Variants in NECTIN2 observed in about 807,000 individuals in gnomAD.
The protein encoded by NECTIN2 is nectin cell adhesion molecule 2.
A neutral mutation model predicts 56.9 loss-of-function variants in NECTIN2; 23 were observed. That is an observed-to-expected ratio of 0.40 (90% CI 0.29 to 0.57). The LOEUF is 0.57. Ranked by LOEUF, NECTIN2 falls within the 20% of genes least tolerant of loss-of-function variation. The probability of loss-of-function intolerance (pLI) is 0.38; values close to 1 mark genes in which losing one functional copy is unlikely to be tolerated. For missense variants in NECTIN2, 587 were observed against 718.3 expected (o/e 0.82, Z 2.09); for synonymous variants, 302 against 313.8 (o/e 0.96, Z 0.40).
chr19:44,862,166 A>G (rs1333226151), intron 1 of NECTIN2, among the ~76,000 whole-genome samples: 1 of 152,226 alleles, frequency 6.6e-6, no homozygotes, highest in African/African-American at 2.4e-5. Context: ...CTGTAATCCT[A>G]GCACTTTGAG....
In NECTIN2 at chr19:44,849,622, A is replaced by T. The variant is rs562551038; in HGVS notation, c.88+3009A>T. On this transcript the variant is annotated intron_variant, in intron 1 of 8. Transcript: ENST00000252483. ...GCCAGGCTGTGAGAAGGTGTGTCAGAAATATGGGGAGACAGGGCACTGGAG... is the reference window on the plus strand; with the variant it reads ...GCCAGGCTGTGAGAAGGTGTGTCAGTAATATGGGGAGACAGGGCACTGGAG... 2.0e-4 allele frequency among the ~76,000 whole-genome samples: 30 copies of T among 152,236 alleles called. 1 individual carries two copies. The South Asian group carries it at 6.2e-3, about 32-fold the overall frequency.
At chr19:44,856,280 C>G (rs1157645797) in intron 1 of NECTIN2, among the ~76,000 whole-genome samples, 1 of 152,174 alleles carries the variant, frequency 6.6e-6, no homozygotes, top group Non-Finnish European at 1.5e-5. Context: ...CTGGGTGATA[C>G]AGCGAGAATG....
In NECTIN2 at chr19:44,885,952, C is replaced by T; in HGVS notation, c.1212C>T (p.Pro404=). 6.3e-7 allele frequency: 1 copy of T among 1,594,506 alleles called. No homozygotes were observed. Among genetic ancestry groups the T allele is most frequent in the Non-Finnish European group, 8.6e-7 (1 of 1,162,332 alleles). ...AEEDEDLEGP[P]SYKPPTPKAK... is the part of the protein sequence containing the mutation. The stretch of plus-strand genomic sequence containing the variant: ...TACCCCACAGCCTGGAGGGACCTCC[C>T]TCCTACAAGCCACCGACCCCAAAAG... The change falls in exon 7 of 9, where the codon CCC becomes CCT. Residue 404 remains proline (P), a synonymous_variant. Transcript: ENST00000252483.
chr19:44,880,141 T>C (rs940621721), intron 5 of NECTIN2, among the ~76,000 whole-genome samples: 5 of 152,306 alleles, frequency 3.3e-5, no homozygotes, highest in African/African-American at 1.2e-4. Context: ...GGCCCTTCCA[T>C]ACTTGTTACT....
intron 1 of NECTIN2, among the ~76,000 whole-genome samples, chr19:44,863,180 CT>C (rs1295718206): frequency 6.6e-6 from 1 of 151,466 alleles, no homozygotes; most frequent in Non-Finnish European, 1.5e-5. Context: ...GAAAAATTGA[CT>C]GTTGGAAGCC....
At chr19:44,868,580 A>C (rs1969132280) in intron 2 of NECTIN2, among the ~76,000 whole-genome samples, 1 of 149,432 alleles carries the variant, frequency 6.7e-6, no homozygotes, top group South Asian at 2.1e-4. Context: ...AGCTGGGATT[A>C]CAGGCATGAG....
At chr19:44,859,690 T>C (rs1486514068) in intron 1 of NECTIN2, among the ~76,000 whole-genome samples, 1 of 152,136 alleles carries the variant, frequency 6.6e-6, no homozygotes, top group Non-Finnish European at 1.5e-5. Flanking sequence ...CGGACCGTAG[T>C]GGCTCGCACC....
intron 1 of NECTIN2, 50 bp downstream of exon 1, chr19:44,846,663 T>C (rs777327242): frequency 6.8e-7 from 1 of 1,467,296 alleles, no homozygotes; most frequent in South Asian, 1.2e-5. Context: ...CCTCCAACCT[T>C]ACCTTCCGAG....
chr19:44,872,546 C>T (rs1369641459), intron 3 of NECTIN2, among the ~76,000 whole-genome samples: 1 of 151,986 alleles, frequency 6.6e-6, no homozygotes. Flanking sequence ...AGTTGGTTTA[C>T]CAGCAAAGAG....
Position 44,846,633 on chromosome 19 carries a change from C to T in NECTIN2, c.88+20C>T. The T allele has an allele frequency of 6.6e-7, 1 of 1,522,342 alleles. No individual in the cohort carries two copies. Among genetic ancestry groups the T allele is most frequent in the Non-Finnish European group, 8.8e-7 (1 of 1,141,558 alleles). 94.3% of individuals were successfully genotyped at this position (1,522,342 alleles called of 1,614,324 possible). A position where few individuals can be genotyped will look rare whatever the true frequency, so the allele number is the denominator to read the frequency against. Reference sequence around the variant, plus strand: ...AAACCGGTGAGACGAGCGGACGGCCCCCTGCCCTCGCGCGGACCCCCTCCA... The same window carrying T: ...AAACCGGTGAGACGAGCGGACGGCCTCCTGCCCTCGCGCGGACCCCCTCCA... On this transcript the variant is annotated intron_variant, in intron 1 of 8. Transcript: ENST00000252483.
chr19:44,878,176 G>T, intron 5 of NECTIN2: 1 of 626,174 alleles, frequency 1.6e-6, no homozygotes, highest in Non-Finnish European at 2.9e-6. Flanking sequence ...TCGTGATCTT[G>T]TGTCTCCCTT....
rs751778434 is a variant in NECTIN2 at position 44,871,923 on chromosome 19, C to T, written c.549C>T (p.Cys183=). 2.3e-5 allele frequency: 37 copies of T among 1,614,142 alleles called. No individual in the cohort carries two copies. The Admixed American group carries it at 6.0e-4, about 26-fold the overall frequency. ...AGGACCCTACGACAGTGGCCCTCTG[C>T]ATCTCCAAAGAGGGCCGCCCACCTG... ...FSQDPTTVAL[C]ISKEGRPPAR... The change falls in exon 3 of 9, where the codon TGC becomes TGT. Residue 183 remains cysteine (C), a synonymous_variant. Transcript: ENST00000252483.
At chr19:44,847,879 C>T (rs1372480589) in intron 1 of NECTIN2, among the ~76,000 whole-genome samples, 1 of 152,086 alleles carries the variant, frequency 6.6e-6, no homozygotes, top group Admixed American at 6.5e-5. Context: ...ATGCCTTGGA[C>T]CCCCTGGCGT....
intron 1 of NECTIN2, 124 bp downstream of exon 1, chr19:44,846,737 CT>C: frequency 8.5e-7 from 1 of 1,177,682 alleles, no homozygotes; most frequent in Non-Finnish European, 1.1e-6. Context: ...CGCGTGCCCC[CT>C]TCCTGGCTGG....
At chr19:44,883,555 A>G (rs1270442026) in intron 6 of NECTIN2, among the ~76,000 whole-genome samples, 2 of 152,200 alleles carry the variant, frequency 1.3e-5, no homozygotes, top group Non-Finnish European at 2.9e-5. Flanking sequence ...GATCACAAGC[A>G]TGAGCCACTG....
At chr19:44,862,164 C>T (rs1969038155) in intron 1 of NECTIN2, among the ~76,000 whole-genome samples, 1 of 152,162 alleles carries the variant, frequency 6.6e-6, no homozygotes, top group African/African-American at 2.4e-5. Flanking sequence ...GCCTGTAATC[C>T]TAGCACTTTG....
rs1425266254 is a variant in NECTIN2, at chr19:44,868,547, C to CT, written c.478+2887_478+2888insT. Among the ~76,000 whole-genome samples, 3 of 149,550 alleles carry CT rather than the reference C, an allele frequency of 2.0e-5. No individual in the cohort carries two copies. The East Asian group carries it at 5.9e-4, about 29-fold the overall frequency. On this transcript the variant is annotated intron_variant, in intron 2 of 8. Coordinates refer to ENST00000252483, the MANE Select transcript of NECTIN2 (RefSeq NM_001042724.2). Reference sequence around the variant, plus strand: ...ACTCGAACTCCTGGGCTCAGGGGATCCTCCTACCTCCGCCTCCTGCATAGC... The same window carrying CT: ...ACTCGAACTCCTGGGCTCAGGGGATCTCTCCTACCTCCGCCTCCTGCATAGC...
intron 2 of NECTIN2, among the ~76,000 whole-genome samples, chr19:44,871,055 G>A (rs1279841828): frequency 6.6e-6 from 1 of 152,052 alleles, no homozygotes; most frequent in Admixed American, 6.6e-5. Flanking sequence ...CAGTAGAGAT[G>A]AGTTTTCACC....
chr19:44,853,107 G>GAAA (rs376160239), intron 1 of NECTIN2, among the ~76,000 whole-genome samples: 2 of 135,472 alleles, frequency 1.5e-5, no homozygotes, highest in East Asian at 4.2e-4. Context: ...TCCTATCCCA[G>GAAA]AAAAAAAAAA....
Sources: gnomAD v4.1 joint callset for allele counts (sites outside exome capture counted in the v4.1 genomes callset) on GRCh38, gnomAD v4.1.1 for gene constraint, MANE v1.5 for transcripts, NCBI Gene and HGNC (gene_info 2026-07-23, HGNC 2026-07-21) for gene names.